The following PBX1 variants were observed in gnomAD, a reference collection of about 807,000 sequenced individuals.
PBX1 encodes the protein pre-B-cell leukemia transcription factor 1.
Under a neutral mutation model 53.4 loss-of-function variants are expected in PBX1, and 6 were observed. The ratio of observed to expected loss-of-function variants is 0.11; its 90% confidence interval spans 0.06 to 0.22. The LOEUF (loss-of-function observed/expected upper bound fraction) is 0.22. Among genes scored for constraint, PBX1 ranks in the 10% least tolerant of loss-of-function variants. PBX1 has a pLI of 1.00. For synonymous variants in PBX1, 204 were observed against 212.3 expected, an observed-to-expected ratio of 0.96 and a Z score of 0.34; for missense variants, 251 against 551.4, an observed-to-expected ratio of 0.46 and a Z score of 5.46.
intron 2 of PBX1, among the ~76,000 whole-genome samples, chr1:164,729,494 A>G (rs1664873219): frequency 6.6e-6 from 1 of 152,242 alleles, no homozygotes; most frequent in Admixed American, 6.5e-5. Flanking sequence ...GTATATATAC[A>G]TAATATAGAC....
intron 2 of PBX1, among the ~76,000 whole-genome samples, chr1:164,598,438 G>C (rs1655918126): frequency 6.6e-6 from 1 of 152,168 alleles, no homozygotes; most frequent in South Asian, 2.1e-4. Flanking sequence ...CATTGTCTTA[G>C]GGCTTCTTTG....
In PBX1 at chr1:164,610,308, G is replaced by A. The variant is rs75872010; in HGVS notation, c.265+46997G>A. ...CCCCTTCTCACCTTTGAAGCAAGAA[G>A]GGGCTGGTTCCAGGGCTCTGTGGGA... On this transcript the variant is annotated intron_variant, in intron 2 of 8. Transcript: ENST00000420696. Among the ~76,000 whole-genome samples, 566 of 152,242 alleles carry A rather than the reference G, an allele frequency of 3.7e-3. 4 individuals carry two copies. Among genetic ancestry groups the A allele is most frequent in the African/African-American group, 0.013 (544 of 41,548 alleles).
chr1:164,689,009 C>T (rs910585459), intron 2 of PBX1, among the ~76,000 whole-genome samples: 14 of 152,218 alleles, frequency 9.2e-5, no homozygotes, highest in South Asian at 4.1e-4. Context: ...CCCTTGGTGC[C>T]GCAGGCCACG....
rs936463399 is a variant in PBX1 at position 164,848,513 on chromosome 1, CTTG to C, written c.*1842_*1844del. On this transcript the variant is annotated 3_prime_UTR_variant, in exon 9 of 9. Transcript: ENST00000420696. Reference sequence around the variant, plus strand: ...CCATCTAGGGACAATAAATGGTTTTCTTGTTGTAACTTCTGGTTAATATCAGTA... The same window carrying C: ...CCATCTAGGGACAATAAATGGTTTTCTTGTAACTTCTGGTTAATATCAGTA... 2 of 1,058,944 alleles carry C rather than the reference CTTG, an allele frequency of 1.9e-6. No homozygotes were observed. Among genetic ancestry groups the C allele is most frequent in the Middle Eastern group, 4.2e-4 (1 of 2,362 alleles). 65.6% of individuals were successfully genotyped at this position (1,058,944 alleles called of 1,614,324 possible). A position where few individuals can be genotyped will look rare whatever the true frequency, so the allele number is the denominator to read the frequency against.
intron 2 of PBX1, chr1:164,563,851 A>T (rs1421680317): frequency 2.0e-5 from 3 of 152,332 alleles, no homozygotes; most frequent in Non-Finnish European, 4.4e-5. Flanking sequence ...CTGTGATTTT[A>T]TTGCAGGGAG....
chr1:164,677,739 G>A (rs1033789538), intron 2 of PBX1, among the ~76,000 whole-genome samples: 2 of 152,022 alleles, frequency 1.3e-5, no homozygotes, highest in Non-Finnish European at 2.9e-5. Context: ...GACACATGGT[G>A]TAGTAAGAGG....
intron 2 of PBX1, among the ~76,000 whole-genome samples, chr1:164,788,733 G>A (rs1288745377): frequency 6.7e-6 from 1 of 149,930 alleles, no homozygotes; most frequent in African/African-American, 2.5e-5. Context: ...ACTGTTGTTG[G>A]TTTTTCTACC....
intron 2 of PBX1, among the ~76,000 whole-genome samples, chr1:164,755,538 A>G (rs759105833): frequency 6.6e-6 from 1 of 152,224 alleles, no homozygotes; most frequent in Non-Finnish European, 1.5e-5. Flanking sequence ...GCTCAGTGCC[A>G]GAATGCCTCT....
At chr1:164,751,180 T>G (rs1296879257) in intron 2 of PBX1, among the ~76,000 whole-genome samples, 1 of 151,876 alleles carries the variant, frequency 6.6e-6, no homozygotes, top group Non-Finnish European at 1.5e-5. Context: ...CCGGGCATGG[T>G]GGTGCATGCC....
intron 2 of PBX1, among the ~76,000 whole-genome samples, chr1:164,576,623 C>T (rs1407277636): frequency 6.6e-6 from 1 of 152,240 alleles, no homozygotes; most frequent in African/African-American, 2.4e-5. Context: ...CAGTGGTCAG[C>T]CGCAGCGGTC....
At chr1:164,566,423 T>C (rs1653437419) in intron 2 of PBX1, among the ~76,000 whole-genome samples, 1 of 152,210 alleles carries the variant, frequency 6.6e-6, no homozygotes, top group East Asian at 1.9e-4. Flanking sequence ...TCAAGACCTA[T>C]AGCAATGTAT....
intron 2 of PBX1, among the ~76,000 whole-genome samples, chr1:164,744,496 A>G (rs1665789157): frequency 6.6e-6 from 1 of 152,214 alleles, no homozygotes; most frequent in African/African-American, 2.4e-5. Context: ...ATAGGTACCC[A>G]GTGCAATTCA....
At chr1:164,747,806 G>A (rs1665975485) in intron 2 of PBX1, among the ~76,000 whole-genome samples, 1 of 152,122 alleles carries the variant, frequency 6.6e-6, no homozygotes, top group Non-Finnish European at 1.5e-5. Flanking sequence ...ATTCACAGAG[G>A]AATTGTGTCT....
chr1:164,714,183 T>C (rs970239403), intron 2 of PBX1, among the ~76,000 whole-genome samples: 4 of 152,252 alleles, frequency 2.6e-5, no homozygotes, highest in Admixed American at 2.0e-4. Flanking sequence ...ATGCTCTAGA[T>C]TCCCTGATTA....
At position 164,847,157 on chromosome 1, in the gene PBX1, A is replaced by T; in HGVS notation, c.*481A>T. The T allele has an allele frequency of 9.2e-7, 1 of 1,088,002 alleles. No individual in the cohort carries two copies. 67.4% of individuals were successfully genotyped at this position (1,088,002 alleles called of 1,614,324 possible). A position where few individuals can be genotyped will look rare whatever the true frequency, so the allele number is the denominator to read the frequency against. On this transcript the variant is annotated 3_prime_UTR_variant, in exon 9 of 9. Transcript: ENST00000420696. ...CAGGCAATCCTTCTCTGTTTCTCTT[A>T]TTACTCTCACTACCTCTTAGCAGGA...
intron 2 of PBX1, among the ~76,000 whole-genome samples, chr1:164,691,027 T>C (rs1049114478): frequency 1.3e-5 from 2 of 149,786 alleles, no homozygotes; most frequent in African/African-American, 4.9e-5. Flanking sequence ...TTTTTTTTTT[T>C]TTTTTGTGAC....
Position 164,880,024 on chromosome 1 carries a change from G to A in PBX1, n.258-19164G>A, listed in dbSNP as rs1056649706. On this transcript the variant is annotated intron_variant and non_coding_transcript_variant, in intron 2 of 2. Coordinates refer to the PBX1 transcript ENST00000558796. ...TGATGTATTGAAATCTGAATAAACCGTTGTGCCTCTCTGGCAGTTTTCCCT... is the reference window on the plus strand; with the variant it reads ...TGATGTATTGAAATCTGAATAAACCATTGTGCCTCTCTGGCAGTTTTCCCT... Among the ~76,000 whole-genome samples, 9 of 152,292 alleles carry A rather than the reference G, an allele frequency of 5.9e-5. No individual in the cohort carries two copies. In the East Asian group the frequency reaches 9.7e-4, roughly 16 times the overall value.
chr1:164,834,818 G>A (rs181591391), intron 8 of PBX1, among the ~76,000 whole-genome samples: 1 of 152,294 alleles, frequency 6.6e-6, no homozygotes, highest in Admixed American at 6.5e-5. Context: ...AATTGCATTG[G>A]TTGCTCTTCT....
chr1:164,743,112 G>C (rs80136930), intron 2 of PBX1, among the ~76,000 whole-genome samples: 100 of 152,260 alleles, frequency 6.6e-4, no homozygotes, highest in Middle Eastern at 6.8e-3. Context: ...TAGCCTAAAG[G>C]GGGTGCCTGT....
Sources: gnomAD v4.1 joint callset for allele counts (sites outside exome capture counted in the v4.1 genomes callset) on GRCh38, gnomAD v4.1.1 for gene constraint, MANE v1.5 for transcripts, NCBI Gene and HGNC (gene_info 2026-07-23, HGNC 2026-07-21) for gene names.